The following CDH9 variants were observed in gnomAD, a reference collection of about 807,000 sequenced individuals.
The protein encoded by CDH9 is cadherin-9.
CDH9 carries 28 observed loss-of-function variants against 70.9 expected under a neutral mutation model. That is an observed-to-expected ratio of 0.40 (90% CI 0.29 to 0.54). The LOEUF (loss-of-function observed/expected upper bound fraction) is 0.54, where lower values mean the gene tolerates loss of function less well. Ranked by LOEUF, CDH9 falls within the 20% of genes least tolerant of loss-of-function variation. The probability of loss-of-function intolerance (pLI) is 0.59; values close to 1 mark genes in which losing one functional copy is unlikely to be tolerated. For synonymous variants in CDH9, 409 were observed against 343.1 expected (o/e 1.19, Z -2.12); for missense variants, 874 against 984.4 (o/e 0.89, Z 1.50).
intron 2 of CDH9, among the ~76,000 whole-genome samples, chr5:26,933,821 A>AG (rs1401188027): frequency 2.0e-5 from 3 of 151,820 alleles, no homozygotes; most frequent in Non-Finnish European, 4.4e-5. Flanking sequence ...CAAAATAATA[A>AG]GAAAAAAAGA....
intron 2 of CDH9, among the ~76,000 whole-genome samples, chr5:26,968,015 T>C (rs1271881856): frequency 6.6e-6 from 1 of 152,140 alleles, no homozygotes. Context: ...ATGTACCTAC[T>C]TTTCAAATAT....
At chr5:27,037,760 G>C (rs1215542712) in intron 1 of CDH9, among the ~76,000 whole-genome samples, 1 of 151,834 alleles carries the variant, frequency 6.6e-6, no homozygotes, top group Non-Finnish European at 1.5e-5. Context: ...CATCTATCTA[G>C]TCATCATTAC....
chr5:26,992,872 G>A (rs905070680), intron 1 of CDH9, among the ~76,000 whole-genome samples: 11 of 152,058 alleles, frequency 7.2e-5, no homozygotes, highest in African/African-American at 1.4e-4. Flanking sequence ...CGAGGCGGGC[G>A]GATCACCTGA....
chr5:27,035,171 GTA>G (rs35693444), intron 1 of CDH9, among the ~76,000 whole-genome samples: 14,901 of 143,164 alleles, frequency 0.1, 965 homozygotes, highest in African/African-American at 0.18. Context: ...TATTGCATAT[GTA>G]TATATATATA....
intron 7 of CDH9, among the ~76,000 whole-genome samples, chr5:26,898,196 G>A (rs576468869): frequency 8.5e-5 from 13 of 152,050 alleles, no homozygotes; most frequent in South Asian, 4.1e-4. Context: ...AGGAAAAAAC[G>A]TTCCATGCTC....
chr5:26,998,237 A>T (rs1742700934), intron 1 of CDH9, among the ~76,000 whole-genome samples: 1 of 152,084 alleles, frequency 6.6e-6, no homozygotes, highest in African/African-American at 2.4e-5. Context: ...AGAGGAAAAG[A>T]TTGCAAAAAT....
intron 2 of CDH9, among the ~76,000 whole-genome samples, chr5:26,944,825 C>A (rs1741721282): frequency 6.6e-6 from 1 of 152,042 alleles, no homozygotes; most frequent in Non-Finnish European, 1.5e-5. Context: ...ATTTCCAACA[C>A]CGACAGGAAG....
intron 1 of CDH9, among the ~76,000 whole-genome samples, chr5:27,014,772 G>T (rs1743018028): frequency 6.6e-6 from 1 of 151,820 alleles, no homozygotes; most frequent in African/African-American, 2.4e-5. Context: ...GTTCATACAA[G>T]AACCTTCTCT....
chr5:27,009,140 G>A (rs1579510357), intron 1 of CDH9, among the ~76,000 whole-genome samples: 1 of 152,100 alleles, frequency 6.6e-6, no homozygotes, highest in Non-Finnish European at 1.5e-5. Flanking sequence ...CAGCTCACAA[G>A]CCATATCCAG....
chr5:26,978,330 A>G (rs564037918), intron 2 of CDH9, among the ~76,000 whole-genome samples: 2 of 152,068 alleles, frequency 1.3e-5, no homozygotes, highest in Admixed American at 6.6e-5. Flanking sequence ...GCCATAAAAT[A>G]TGTAAAAATT....
intron 5 of CDH9, 110 bp from the exon 6 acceptor site, chr5:26,903,934 T>C: frequency 1.7e-6 from 1 of 604,202 alleles, no homozygotes; most frequent in Non-Finnish European, 2.8e-6. Flanking sequence ...AGAGTTTTTA[T>C]CATATTGAAT....
rs535247256 is a variant in CDH9, at chr5:27,018,282, T to A, written c.-50+20181A>T. ...TTTTCACATATTGTATATAGAATTT[T>A]CCTCACGTATGTATCATCTTGATTT... On this transcript the variant is annotated intron_variant, in intron 1 of 11. Transcript: ENST00000231021. 2.0e-5 allele frequency among the ~76,000 whole-genome samples: 3 copies of A among 151,866 alleles called. No individual in the cohort carries two copies. In the South Asian group the frequency reaches 6.2e-4, roughly 32 times the overall value.
chr5:27,016,427 T>C (rs985728026), intron 1 of CDH9, among the ~76,000 whole-genome samples: 1 of 151,832 alleles, frequency 6.6e-6, no homozygotes, highest in African/African-American at 2.4e-5. Flanking sequence ...TATTAGAGTA[T>C]GCCATAAATT....
At chr5:26,906,988 A>G (rs2111993080) in intron 3 of CDH9, 150 bp from the exon 4 acceptor site, 1 of 1,261,390 alleles carries the variant, frequency 7.9e-7, no homozygotes, top group Non-Finnish European at 1.0e-6. Context: ...CAAAAAAGTT[A>G]CTTTCCTTTC....
chr5:26,904,101 T>C (rs964658830), intron 5 of CDH9, among the ~76,000 whole-genome samples: 1 of 151,802 alleles, frequency 6.6e-6, no homozygotes, highest in Admixed American at 6.6e-5. Flanking sequence ...GATATAAGAA[T>C]CCAGAACTTT....
chr5:26,978,212 G>C (rs1579489978), intron 2 of CDH9, among the ~76,000 whole-genome samples: 1 of 151,662 alleles, frequency 6.6e-6, no homozygotes, highest in East Asian at 1.9e-4. Flanking sequence ...TAGACTTAAA[G>C]AAGACCCTGA....
intron 1 of CDH9, among the ~76,000 whole-genome samples, chr5:26,990,467 T>G (rs1468429226): frequency 6.6e-6 from 1 of 152,176 alleles, no homozygotes; most frequent in Non-Finnish European, 1.5e-5. Context: ...TGCTGAAATC[T>G]CAGGTCATGG....
At position 26,881,463 on chromosome 5, in the gene CDH9, C is replaced by A; in HGVS notation, c.2043G>T (p.Glu681Asp). 6.2e-7 allele frequency: 1 copy of A among 1,613,702 alleles called. No homozygotes were observed. The highest frequency in any genetic ancestry group is 8.5e-7 in the Non-Finnish European group (1 of 1,179,754). The change falls in exon 12 of 12, where the codon GAG becomes GAT. Residue 681 changes from glutamate to aspartate, a missense_variant. Glu to Asp is a conservative substitution (Grantham distance 45). Coordinates refer to ENST00000231021, the MANE Select transcript of CDH9 (RefSeq NM_016279.4). ...AFDIGTLRNP[E>D]AREDSKLRRD... ...GTCTAAGTTTACTGTCTTCTCTTGCCTCTGGATTCCTTAATGTGCCAATGT... is the reference window on the plus strand; with the variant it reads ...GTCTAAGTTTACTGTCTTCTCTTGCATCTGGATTCCTTAATGTGCCAATGT...
intron 2 of CDH9, among the ~76,000 whole-genome samples, chr5:26,923,069 T>TAAAAAAAAAAAAAAAAAAAAA (rs56883597): frequency 7.4e-5 from 7 of 95,048 alleles, no homozygotes; most frequent in Non-Finnish European, 1.1e-4. Flanking sequence ...TTACATGAAT[T>TAAAAAAAAAAAAAAAAAAAAA]AAAAAAAAAA....
Sources: gnomAD v4.1 joint callset for allele counts (sites outside exome capture counted in the v4.1 genomes callset) on GRCh38, gnomAD v4.1.1 for gene constraint, MANE v1.5 for transcripts, NCBI Gene and HGNC (gene_info 2026-07-23, HGNC 2026-07-21) for gene names.